The following DEPDC5 variants were observed in gnomAD, a reference collection of about 807,000 sequenced individuals.
The protein encoded by DEPDC5 is GATOR1 complex protein DEPDC5.
DEPDC5 carries 73 observed loss-of-function variants against 217.3 expected under a neutral mutation model. The observed-to-expected ratio is 0.34, with a 90% confidence interval of 0.28 to 0.41. DEPDC5 has a LOEUF of 0.41. Among genes scored for constraint, DEPDC5 ranks in the 10% least tolerant of loss-of-function variants. DEPDC5 has a pLI of 1.00. For missense variants in DEPDC5, 1,675 were observed against 2,070.1 expected, an observed-to-expected ratio of 0.81 and a Z score of 3.70; for synonymous variants, 733 against 756.7, an observed-to-expected ratio of 0.97 and a Z score of 0.51.
intron 8 of DEPDC5, among the ~76,000 whole-genome samples, chr22:31,783,464 C>G (rs151062024): frequency 6.6e-6 from 1 of 152,198 alleles, no homozygotes; most frequent in Non-Finnish European, 1.5e-5. Context: ...AGTTTGAAAC[C>G]ACTCTGGGCA....
intron 11 of DEPDC5, 30 bp from the exon 12 acceptor site, chr22:31,792,715 G>C: frequency 6.6e-7 from 1 of 1,509,722 alleles, no homozygotes; most frequent in Non-Finnish European, 8.8e-7. Context: ...TTCTCAGCCT[G>C]AACTACATAC....
chr22:31,770,770 T>C (rs1030717346), intron 7 of DEPDC5, among the ~76,000 whole-genome samples: 6 of 148,684 alleles, frequency 4.0e-5, no homozygotes, highest in African/African-American at 1.5e-4. Flanking sequence ...TCCCTCGTTA[T>C]AAAGATCCCC....
intron 38 of DEPDC5, among the ~76,000 whole-genome samples, chr22:31,881,698 C>A (rs970301128): frequency 6.6e-6 from 1 of 152,068 alleles, no homozygotes; most frequent in Non-Finnish European, 1.5e-5. Flanking sequence ...GTAATCCCAG[C>A]ACTTTGGGAG....
chr22:31,886,319 C>T (rs975035204), intron 38 of DEPDC5, among the ~76,000 whole-genome samples: 15 of 152,168 alleles, frequency 9.9e-5, no homozygotes, highest in African/African-American at 3.4e-4. Context: ...GATTCCCTCT[C>T]TTGACAGTTT....
At chr22:31,843,887 G>T in intron 29 of DEPDC5, 75 bp downstream of exon 29, 1 of 1,407,794 alleles carries the variant, frequency 7.1e-7, no homozygotes, top group Non-Finnish European at 9.5e-7. Context: ...AACACTTTCT[G>T]CCCTTTCTCT....
chr22:31,884,749 C>A (rs924438677), intron 38 of DEPDC5, among the ~76,000 whole-genome samples: 2 of 152,140 alleles, frequency 1.3e-5, no homozygotes, highest in African/African-American at 2.4e-5. Flanking sequence ...GAGACTCATC[C>A]CTCCAGCTAC....
intron 38 of DEPDC5, 138 bp downstream of exon 38, chr22:31,879,890 G>C: frequency 1.2e-6 from 1 of 813,530 alleles, no homozygotes; most frequent in Non-Finnish European, 1.9e-6. Context: ...TGTGTCTGTC[G>C]GCACTGTTGG....
chr22:31,878,652 A>G (rs947880824), intron 37 of DEPDC5, among the ~76,000 whole-genome samples: 1 of 152,070 alleles, frequency 6.6e-6, no homozygotes, highest in African/African-American at 2.4e-5. Context: ...GGTTGAGGCT[A>G]TAGTGAGCCA....
intron 8 of DEPDC5, among the ~76,000 whole-genome samples, chr22:31,778,719 A>G (rs1001094067): frequency 6.6e-6 from 1 of 152,174 alleles, no homozygotes; most frequent in Non-Finnish European, 1.5e-5. Context: ...GTTAAGCCCC[A>G]TGGAAGATCA....
chr22:31,906,073 A>C lies in DEPDC5; in HGVS notation c.4519+7A>C. On this transcript the variant is annotated splice_region_variant and intron_variant, in intron 42 of 42. Transcript: ENST00000651528. This position sits in a 1 kb window ranked among gnomAD's most constrained non-coding sequence, Gnocchi z 5.1. ...CAGTATATCCACGTTACAGGTGAGG[A>C]GCTACGGGCAGAGTTGGGCAGGTGG... 6 of 1,614,088 alleles carry C rather than the reference A, an allele frequency of 3.7e-6. No homozygotes were observed. Among genetic ancestry groups the C allele is most frequent in the Non-Finnish European group, 4.2e-6 (5 of 1,180,000 alleles).
At chr22:31,787,069 C>A (rs540742605) in intron 10 of DEPDC5, among the ~76,000 whole-genome samples, 1 of 151,480 alleles carries the variant, frequency 6.6e-6, no homozygotes, top group African/African-American at 2.4e-5. Context: ...TGTGAGCCAC[C>A]GTGCCTAGCC....
intron 13 of DEPDC5, 50 bp from the exon 14 acceptor site, chr22:31,798,532 A>G: frequency 6.6e-7 from 1 of 1,525,736 alleles, no homozygotes; most frequent in East Asian, 2.3e-5. Context: ...TAAAAAAAAA[A>G]GTTCATGTTT....
intron 18 of DEPDC5, among the ~76,000 whole-genome samples, chr22:31,808,475 C>T (rs906099922): frequency 6.7e-6 from 1 of 150,214 alleles, no homozygotes; most frequent in Non-Finnish European, 1.5e-5. Flanking sequence ...CACTCTGTCT[C>T]CCAGGCTGGA....
At chr22:31,905,124 A>G (rs1469771728) in intron 41 of DEPDC5, among the ~76,000 whole-genome samples, 1 of 152,048 alleles carries the variant, frequency 6.6e-6, no homozygotes, top group Non-Finnish European at 1.5e-5. Flanking sequence ...TAGATGAAAA[A>G]TGGCTCCTCC....
chr22:31,879,494 G>A, intron 37 of DEPDC5, 31 bp from the exon 38 acceptor site: 1 of 1,589,124 alleles, frequency 6.3e-7, no homozygotes, highest in East Asian at 2.2e-5. Flanking sequence ...TTTGTGTTGA[G>A]TACTCCTTCT....
At chr22:31,793,719 G>T (rs944971045) in intron 12 of DEPDC5, among the ~76,000 whole-genome samples, 1 of 151,924 alleles carries the variant, frequency 6.6e-6, no homozygotes, top group African/African-American at 2.4e-5. Flanking sequence ...ACAGGCGCCC[G>T]TGACCACGCC....
At chr22:31,848,024 G>T (rs1482535676) in intron 31 of DEPDC5, among the ~76,000 whole-genome samples, 1 of 152,214 alleles carries the variant, frequency 6.6e-6, no homozygotes, top group Non-Finnish European at 1.5e-5. Flanking sequence ...CCCCATGCAA[G>T]TCTGAAATCC....
rs149263580 is a variant in DEPDC5 at position 31,895,055 on chromosome 22, A to G, written c.4203+1304A>G. 3.6e-3 allele frequency among the ~76,000 whole-genome samples: 544 copies of G among 151,594 alleles called. 7 individuals carry two copies. Among genetic ancestry groups the G allele is most frequent in the African/African-American group, 0.012 (496 of 41,270 alleles). The stretch of plus-strand genomic sequence containing the variant: ...GCTACTCGGGAGGCTGAGGCAGGAG[A>G]ATCGCTTGAACCTGGGAGGTGGAGG... On this transcript the variant is annotated intron_variant, in intron 39 of 42. Coordinates refer to ENST00000651528, the MANE Select transcript of DEPDC5 (RefSeq NM_001242896.3).
Position 31,838,760 on chromosome 22 carries a change from C to T in DEPDC5, c.2430C>T (p.Gly810=), listed in dbSNP as rs1486987288. Reference sequence around the variant, plus strand: ...TTATTTGCCAACGTCTCATGCAGGGCTACCAAATCATAGTGCAGCCCAAGA... The same window carrying T: ...TTATTTGCCAACGTCTCATGCAGGGTTACCAAATCATAGTGCAGCCCAAGA... The part of the protein sequence containing the change: ...EEFICQRLMQ[G]YQIIVQPKTQ... Residue 810 remains glycine, a synonymous_variant, in exon 27 of 43, where the codon GGC becomes GGT. Transcript: ENST00000651528. 6.2e-7 allele frequency: 1 copy of T among 1,614,132 alleles called. No homozygotes were observed. Among genetic ancestry groups the T allele is most frequent in the Admixed American group, 1.7e-5 (1 of 60,010 alleles).
Sources: gnomAD v4.1 joint callset for allele counts (sites outside exome capture counted in the v4.1 genomes callset) on GRCh38, gnomAD v4.1.1 for gene constraint, Gnocchi (gnomAD v3.1) non-coding constraint, MANE v1.5 for transcripts, NCBI Gene and HGNC (gene_info 2026-07-23, HGNC 2026-07-21) for gene names.